The following B4GALT6 variants were observed in gnomAD, a reference collection of about 807,000 sequenced individuals.
B4GALT6 encodes the protein beta-1,4-galactosyltransferase 6.
B4GALT6 carries 14 observed loss-of-function variants against 46.3 expected under a neutral mutation model. The observed-to-expected ratio is 0.30, with a 90% CI of 0.20 to 0.47. The LOEUF (loss-of-function observed/expected upper bound fraction) is 0.47. Ranked by LOEUF, B4GALT6 falls within the 20% of genes least tolerant of loss-of-function variation. The pLI is 0.99. For missense variants in B4GALT6, 386 were observed against 480.1 expected (o/e 0.80, Z 1.83); for synonymous variants, 168 against 162.0 (o/e 1.04, Z -0.28).
At chr18:31,635,797 G>A (rs746749666) in intron 5 of B4GALT6, among the ~76,000 whole-genome samples, 20 of 152,218 alleles carry the variant, frequency 1.3e-4, no homozygotes, top group South Asian at 6.2e-4. Context: ...CAGCCTGGGC[G>A]ACAGAGGCAG....
At chr18:31,694,379 G>A in the B4GALT6 span, among the ~76,000 whole-genome samples, 7 of 152,192 alleles carry the variant, frequency 4.6e-5, no homozygotes, top group Non-Finnish European at 8.8e-5. Context: ...ACTACTGCTT[G>A]CATTAAGCAC....
intron 3 of B4GALT6, among the ~76,000 whole-genome samples, chr18:31,655,860 T>C (rs946366930): frequency 2.6e-5 from 4 of 152,176 alleles, no homozygotes; most frequent in African/African-American, 7.2e-5. Context: ...TTCTTTATTA[T>C]GGTACAGCAA....
intron 8 of B4GALT6, 98 bp downstream of exon 8, chr18:31,626,185 C>A: frequency 1.6e-6 from 1 of 635,758 alleles, no homozygotes; most frequent in South Asian, 3.2e-5. Flanking sequence ...TGAAAATTCC[C>A]TTCAGCAGCT....
intron 3 of B4GALT6, among the ~76,000 whole-genome samples, chr18:31,655,521 A>T (rs757798091): frequency 2.6e-5 from 4 of 152,222 alleles, no homozygotes; most frequent in Admixed American, 6.5e-5. Context: ...GCAATCTCTC[A>T]GGCACCACAA....
chr18:31,636,513 C>T (rs116814591), intron 5 of B4GALT6, among the ~76,000 whole-genome samples: 1,882 of 152,268 alleles, frequency 0.012, 39 homozygotes, highest in African/African-American at 0.043. Context: ...ATGAAAAGAT[C>T]ATCAACATTA....
At chr18:31,679,953 CT>C (rs1323177949) in intron 1 of B4GALT6, among the ~76,000 whole-genome samples, 2 of 152,194 alleles carry the variant, frequency 1.3e-5, no homozygotes, top group African/African-American at 2.4e-5. Context: ...CCATTGCCCC[CT>C]ATAACCCATC....
intron 7 of B4GALT6, 95 bp downstream of exon 7, chr18:31,626,904 A>C (rs932304817): frequency 2.4e-5 from 26 of 1,098,526 alleles, no homozygotes; most frequent in South Asian, 1.8e-4. Flanking sequence ...TCCCATCCCA[A>C]AGAATGTTCT....
intron 4 of B4GALT6, among the ~76,000 whole-genome samples, chr18:31,639,509 T>C (rs943214841): frequency 1.3e-5 from 2 of 152,150 alleles, no homozygotes; most frequent in African/African-American, 4.8e-5. Context: ...TGAAGTTTGA[T>C]AATTAATATA....
the B4GALT6 span, among the ~76,000 whole-genome samples, chr18:31,712,287 AT>A: frequency 2.8e-3 from 240 of 84,564 alleles, no homozygotes; most frequent in East Asian, 0.017. Context: ...CTGGGACGTT[AT>A]TTTTTTTTTT....
In B4GALT6 at chr18:31,638,638, T is replaced by C; in HGVS notation, c.588+6A>G. ...ACTTAGTGACCACTATGAAAAGTAT[T>C]CTCACCTGTTCAATGACATAAAACG... On this transcript the variant is annotated splice_donor_region_variant and intron_variant, in intron 5 of 8. Coordinates refer to ENST00000306851, the MANE Select transcript of B4GALT6 (RefSeq NM_004775.5). 1 of 1,590,472 alleles carries C rather than the reference T, an allele frequency of 6.3e-7. No homozygotes were observed. The highest frequency in any genetic ancestry group is 8.6e-7 in the Non-Finnish European group (1 of 1,158,568).
intron 4 of B4GALT6, among the ~76,000 whole-genome samples, chr18:31,639,162 T>A (rs1302978882): frequency 6.6e-6 from 1 of 152,150 alleles, no homozygotes; most frequent in Non-Finnish European, 1.5e-5. Context: ...AATGGTAGCT[T>A]AAACTAACAG....
rs543724726 is a variant in B4GALT6, at chr18:31,649,544, C to T, written c.347-4065G>A. Among the ~76,000 whole-genome samples, 13 of 82,666 alleles carry T rather than the reference C, an allele frequency of 1.6e-4. No homozygotes were observed. The East Asian group carries it at 4.0e-3, about 26-fold the overall frequency. The allele number at this position is 82,666 out of a possible 152,430, so 54.2% of individuals were successfully genotyped here. ...TCTATAAGGAATTTAAACAATTCAA[C>T]AAGCAAAAAACAACCCCATTAAAAA... On this transcript the variant is annotated intron_variant, in intron 3 of 8. Transcript: ENST00000306851.
chr18:31,673,802 TC>T (rs1333256101), intron 1 of B4GALT6, among the ~76,000 whole-genome samples: 1 of 152,118 alleles, frequency 6.6e-6, no homozygotes, highest in African/African-American at 2.4e-5. Flanking sequence ...AAGGGGTCTT[TC>T]CAGATGCAAT....
intron 2 of B4GALT6, among the ~76,000 whole-genome samples, chr18:31,663,292 C>G (rs1313400594): frequency 2.0e-5 from 3 of 152,210 alleles, no homozygotes; most frequent in Non-Finnish European, 4.4e-5. Flanking sequence ...TCTTGTCAGT[C>G]TGGCAGTGTC....
intron 4 of B4GALT6, among the ~76,000 whole-genome samples, chr18:31,642,176 C>CTGCAT: frequency 6.6e-6 from 1 of 152,180 alleles, no homozygotes; most frequent in East Asian, 1.9e-4. Context: ...GTTCAAGAAT[C>CTGCAT]TGCATTTTTT....
intron 3 of B4GALT6, among the ~76,000 whole-genome samples, chr18:31,650,520 G>A (rs751390431): frequency 8.5e-5 from 13 of 152,204 alleles, no homozygotes; most frequent in Non-Finnish European, 1.6e-4. Context: ...CCTGAGCAAT[G>A]CTGGTAGGAG....
Position 31,650,341 on chromosome 18 carries a change from C to T in B4GALT6, c.347-4862G>A, listed in dbSNP as rs567548831. On this transcript the variant is annotated intron_variant, in intron 3 of 8. Transcript: ENST00000306851. ...CTGGCTTTAACTGAACACATTTCAACGGCTTGAACTACCCACCATTGGGTC... is the reference window on the plus strand; with the variant it reads ...CTGGCTTTAACTGAACACATTTCAATGGCTTGAACTACCCACCATTGGGTC... 3.9e-5 allele frequency among the ~76,000 whole-genome samples: 6 copies of T among 152,200 alleles called. No homozygotes were observed. In the South Asian group the frequency reaches 6.2e-4, roughly 16 times the overall value.
In B4GALT6 at chr18:31,628,607, T is replaced by C. The variant is rs185938631; in HGVS notation, c.777-1486A>G. Among the ~76,000 whole-genome samples, 30 of 152,220 alleles carry C rather than the reference T, an allele frequency of 2.0e-4. No individual in the cohort carries two copies. In the East Asian group the frequency reaches 5.6e-3, roughly 28 times the overall value. The stretch of plus-strand genomic sequence containing the variant: ...CAGTGTTTATCTTACACTGTAAAAG[T>C]GGGAGAGACACTACACCTGAGAGTC... On this transcript the variant is annotated intron_variant, in intron 6 of 8. Coordinates refer to ENST00000306851, the MANE Select transcript of B4GALT6 (RefSeq NM_004775.5).
the B4GALT6 span, among the ~76,000 whole-genome samples, chr18:31,719,574 A>G: frequency 6.6e-6 from 1 of 152,190 alleles, no homozygotes; most frequent in Non-Finnish European, 1.5e-5. Flanking sequence ...TTACCAAGAC[A>G]GGGGGATTTC....
Sources: gnomAD v4.1 joint callset for allele counts (sites outside exome capture counted in the v4.1 genomes callset) on GRCh38, gnomAD v4.1.1 for gene constraint, MANE v1.5 for transcripts, NCBI Gene and HGNC (gene_info 2026-07-23, HGNC 2026-07-21) for gene names.